The following HAO1 variants were observed in gnomAD, a reference collection of about 807,000 sequenced individuals.
The protein encoded by HAO1 is hydroxyacid oxidase 1, also known as 2-Hydroxyacid oxidase 1.
HAO1 carries 34 observed loss-of-function variants against 39.7 expected under a neutral mutation model. The observed-to-expected ratio is 0.86, with a 90% CI of 0.65 to 1.14. The LOEUF (loss-of-function observed/expected upper bound fraction) is 1.14, where lower values mean the gene tolerates loss of function less well. HAO1 is among the 50% of genes most tolerant of loss of function. HAO1 has a pLI of 0.00. For missense variants in HAO1, 479 were observed against 464.5 expected (o/e 1.03, Z -0.29); for synonymous variants, 172 against 173.2 (o/e 0.99, Z 0.05).
At chr20:7,892,583 G>T (rs1349091280) in intron 5 of HAO1, among the ~76,000 whole-genome samples, 1 of 152,108 alleles carries the variant, frequency 6.6e-6, no homozygotes, top group Non-Finnish European at 1.5e-5. Flanking sequence ...TAAAGTATTT[G>T]TTCTACTCTT....
At chr20:7,912,121 G>T (rs545468983) in intron 3 of HAO1, among the ~76,000 whole-genome samples, 1 of 152,102 alleles carries the variant, frequency 6.6e-6, no homozygotes, top group African/African-American at 2.4e-5. Flanking sequence ...TCTTCAGACC[G>T]GAGATGTGAC....
chr20:7,897,129 C>T (rs755237948), intron 4 of HAO1, among the ~76,000 whole-genome samples: 2 of 152,136 alleles, frequency 1.3e-5, no homozygotes, highest in Non-Finnish European at 2.9e-5. Context: ...TTCCTCAGAA[C>T]CTTAAAGACA....
intron 2 of HAO1, among the ~76,000 whole-genome samples, chr20:7,916,675 A>T (rs759561288): frequency 1.2e-4 from 19 of 152,214 alleles, no homozygotes; most frequent in Non-Finnish European, 2.5e-4. Context: ...TCTAAGTTCA[A>T]ATGAAATAAA....
intron 2 of HAO1, among the ~76,000 whole-genome samples, chr20:7,929,708 CA>C (rs1191253228): frequency 1.1e-4 from 16 of 152,128 alleles, no homozygotes; most frequent in African/African-American, 3.9e-4. Context: ...TACTAAAATA[CA>C]AAAAATTAGC....
In HAO1 at chr20:7,885,512, G is replaced by A; in HGVS notation, c.1042+9C>T. 6.4e-7 allele frequency: 1 copy of A among 1,567,988 alleles called. No individual in the cohort carries two copies. Among genetic ancestry groups the A allele is most frequent in the Non-Finnish European group, 8.8e-7 (1 of 1,138,178 alleles). ...AGAAAAGAAAGTTGTAAACAAGAATGAGTCTTACCACTCAGAGCCATGGCC... is the reference window on the plus strand; with the variant it reads ...AGAAAAGAAAGTTGTAAACAAGAATAAGTCTTACCACTCAGAGCCATGGCC... On this transcript the variant is annotated intron_variant, in intron 7 of 7. Transcript: ENST00000378789.
chr20:7,927,527 AAC>A (rs1277331218), intron 2 of HAO1, among the ~76,000 whole-genome samples: 6 of 152,164 alleles, frequency 3.9e-5, no homozygotes, highest in Non-Finnish European at 5.9e-5. Flanking sequence ...TTTTATTCGT[AAC>A]ACAGTGCATG....
At chr20:7,932,426 C>T (rs2050390117) in intron 2 of HAO1, among the ~76,000 whole-genome samples, 1 of 152,134 alleles carries the variant, frequency 6.6e-6, no homozygotes, top group Non-Finnish European at 1.5e-5. Context: ...TCCCTTGTCC[C>T]TTTATCTCTA....
chr20:7,922,817 C>T (rs778401025), intron 2 of HAO1, among the ~76,000 whole-genome samples: 23 of 151,998 alleles, frequency 1.5e-4, no homozygotes, highest in Non-Finnish European at 2.9e-4. Flanking sequence ...CTCTACTCTT[C>T]CATTTGCAAT....
At chr20:7,906,553 T>A (rs2050249219) in intron 3 of HAO1, among the ~76,000 whole-genome samples, 1 of 152,182 alleles carries the variant, frequency 6.6e-6, no homozygotes, top group African/African-American at 2.4e-5. Context: ...ATTTTACATC[T>A]TAGGCTGTGT....
intron 2 of HAO1, among the ~76,000 whole-genome samples, chr20:7,933,887 C>T (rs2050397742): frequency 6.6e-6 from 1 of 152,196 alleles, no homozygotes; most frequent in Non-Finnish European, 1.5e-5. Flanking sequence ...CCTCCTAAGA[C>T]AGCTGGAACT....
intron 3 of HAO1, among the ~76,000 whole-genome samples, chr20:7,907,557 C>T (rs2050254287): frequency 6.6e-6 from 1 of 152,188 alleles, no homozygotes; most frequent in African/African-American, 2.4e-5. Flanking sequence ...ACTACTTGCA[C>T]TGAAATCATA....
At position 7,885,864 on chromosome 20, in the gene HAO1, T is replaced by C. The variant is rs1427995954; in HGVS notation, c.814A>G (p.Ile272Val). 3.1e-6 allele frequency: 5 copies of C among 1,612,408 alleles called. No individual in the cohort carries two copies. The Admixed American group carries it at 6.7e-5, about 22-fold the overall frequency. ...TCCACAATTTCTGGCAGAACATCAA[T>C]CTGGGGAAAGAAAAGTTCAATAATG... Reference protein sequence around the residue: ...ARQLDGVPATIDVLPEIVEAV... With the variant: ...ARQLDGVPATVDVLPEIVEAV... The change falls in exon 6 of 8, where the codon ATT (isoleucine) becomes GTT (valine). Residue 272 changes from isoleucine to valine, a missense_variant and splice_region_variant. Ile to Val is a conservative substitution (Grantham distance 29, BLOSUM62 3). Transcript: ENST00000378789.
intron 2 of HAO1, among the ~76,000 whole-genome samples, chr20:7,914,753 C>T (rs1295706170): frequency 6.6e-6 from 1 of 152,172 alleles, no homozygotes; most frequent in East Asian, 1.9e-4. Flanking sequence ...ATATTAAGAA[C>T]CTGAACATCC....
At chr20:7,919,451 T>C (rs1006828909) in intron 2 of HAO1, among the ~76,000 whole-genome samples, 1 of 151,918 alleles carries the variant, frequency 6.6e-6, no homozygotes, top group Non-Finnish European at 1.5e-5. Flanking sequence ...ACACATACAA[T>C]CACTAAAAGG....
chr20:7,926,335 C>T (rs771771390), intron 2 of HAO1, among the ~76,000 whole-genome samples: 1 of 152,094 alleles, frequency 6.6e-6, no homozygotes, highest in African/African-American at 2.4e-5. Context: ...GACAGGCACT[C>T]CACTTCAGAA....
chr20:7,901,230 A>T (rs1345754845), intron 4 of HAO1, among the ~76,000 whole-genome samples: 1 of 152,184 alleles, frequency 6.6e-6, no homozygotes, highest in African/African-American at 2.4e-5. Flanking sequence ...TATCCAGGAG[A>T]TCTAGCTAAG....
At chr20:7,896,682 G>A (rs967571131) in intron 4 of HAO1, among the ~76,000 whole-genome samples, 6 of 152,054 alleles carry the variant, frequency 3.9e-5, no homozygotes, top group African/African-American at 1.4e-4. Context: ...TGGGGTCTTT[G>A]GGAGGTGATT....
intron 2 of HAO1, among the ~76,000 whole-genome samples, chr20:7,922,947 T>C (rs553487271): frequency 3.9e-5 from 6 of 152,264 alleles, no homozygotes; most frequent in South Asian, 4.1e-4. Flanking sequence ...TTCTGTTTTA[T>C]AGAATAAAAG....
chr20:7,913,170 GT>G (rs11438122), intron 3 of HAO1, among the ~76,000 whole-genome samples: 2,588 of 134,240 alleles, frequency 0.019, 63 homozygotes, highest in African/African-American at 0.064. Flanking sequence ...CTAGTTTTTT[GT>G]TTTTTTTTTT....
Sources: allele counts gnomAD v4.1 joint callset (sites outside exome capture counted in the v4.1 genomes callset), GRCh38; gene constraint gnomAD v4.1.1; transcripts MANE v1.5; gene names NCBI Gene and HGNC (gene_info 2026-07-23, HGNC 2026-07-21).